Variants in SLIT2 observed in about 807,000 individuals in gnomAD.
The protein encoded by SLIT2 is slit homolog 2 protein.
SLIT2 carries 41 observed loss-of-function variants against 185.7 expected under a neutral mutation model. The ratio of observed to expected loss-of-function variants is 0.22; its 90% CI spans 0.17 to 0.29. The LOEUF (loss-of-function observed/expected upper bound fraction) is 0.29. Ranked by LOEUF, SLIT2 falls within the 10% of genes least tolerant of loss-of-function variation. The probability of loss-of-function intolerance (pLI) is 1.00; values close to 1 mark genes in which losing one functional copy is unlikely to be tolerated. For missense variants in SLIT2, 1,571 were observed against 1,909.0 expected, an observed-to-expected ratio of 0.82 and a Z score of 3.30; for synonymous variants, 693 against 680.2, an observed-to-expected ratio of 1.02 and a Z score of -0.29.
intron 11 of SLIT2, among the ~76,000 whole-genome samples, chr4:20,516,310 A>G (rs1197298931): frequency 6.6e-6 from 1 of 152,164 alleles, no homozygotes; most frequent in African/African-American, 2.4e-5. Flanking sequence ...AACAACAAAA[A>G]AATCTCTATC....
At chr4:20,256,960 A>G (rs1441346576) in intron 2 of SLIT2, among the ~76,000 whole-genome samples, 1 of 152,150 alleles carries the variant, frequency 6.6e-6, no homozygotes, top group Non-Finnish European at 1.5e-5. Context: ...CCAATAATCC[A>G]GAAATGACCT....
At chr4:20,514,629 A>G (rs531848142) in intron 11 of SLIT2, among the ~76,000 whole-genome samples, 1 of 152,146 alleles carries the variant, frequency 6.6e-6, no homozygotes, top group Admixed American at 6.5e-5. Flanking sequence ...TGGGCAACCA[A>G]GTGAGTCTCT....
intron 4 of SLIT2, among the ~76,000 whole-genome samples, chr4:20,460,464 G>C (rs888131797): frequency 3.3e-5 from 5 of 152,090 alleles, no homozygotes; most frequent in African/African-American, 1.2e-4. Flanking sequence ...TCCTCACATA[G>C]TCATCATTTC....
intron 8 of SLIT2, among the ~76,000 whole-genome samples, chr4:20,489,251 G>A (rs1020306495): frequency 3.3e-5 from 5 of 152,018 alleles, no homozygotes; most frequent in African/African-American, 1.2e-4. Context: ...GCTAAATGAT[G>A]ATTCTACTTT....
At chr4:20,420,236 A>G (rs1351940990) in intron 4 of SLIT2, among the ~76,000 whole-genome samples, 4 of 152,114 alleles carry the variant, frequency 2.6e-5, no homozygotes. Flanking sequence ...ACATACTACA[A>G]CTGTGAGTAC....
chr4:20,258,013 G>A (rs1329262888), intron 3 of SLIT2, 74 bp downstream of exon 3: 5 of 756,650 alleles, frequency 6.6e-6, no homozygotes, highest in Non-Finnish European at 9.1e-6. Context: ...CAAGCATCAT[G>A]TCTTCAATTT....
chr4:20,398,236 G>T (rs1171740346), intron 4 of SLIT2, among the ~76,000 whole-genome samples: 5 of 151,796 alleles, frequency 3.3e-5, no homozygotes, highest in Admixed American at 3.3e-4. Context: ...AACAGAAGAT[G>T]GAGATGTTTC....
At chr4:20,380,383 A>G (rs983677314) in intron 4 of SLIT2, among the ~76,000 whole-genome samples, 3 of 152,212 alleles carry the variant, frequency 2.0e-5, no homozygotes, top group Admixed American at 6.6e-5. Context: ...AGTATCTTAC[A>G]TGCAATAAAA....
intron 4 of SLIT2, among the ~76,000 whole-genome samples, chr4:20,339,483 T>C (rs1335412695): frequency 6.6e-6 from 1 of 152,170 alleles, no homozygotes; most frequent in Non-Finnish European, 1.5e-5. Context: ...TTGGGCTGTT[T>C]GGAGGAATCT....
chr4:20,523,725 C>T (rs1254288330), intron 12 of SLIT2, 35 bp from the exon 13 acceptor site: 2 of 1,599,808 alleles, frequency 1.3e-6, no homozygotes, highest in Admixed American at 1.7e-5. Flanking sequence ...TAATAAGATG[C>T]TACACTTTAA....
intron 4 of SLIT2, among the ~76,000 whole-genome samples, chr4:20,380,712 TA>T (rs1043453911): frequency 3.3e-5 from 5 of 150,716 alleles, no homozygotes; most frequent in East Asian, 2.0e-4. Context: ...CACTAGAAAA[TA>T]AAAAAATGAA....
rs559955589 is a variant in SLIT2, at chr4:20,274,741, T to C, written c.395+5860T>C. Among the ~76,000 whole-genome samples, 27 of 132,022 alleles carry C rather than the reference T, an allele frequency of 2.0e-4. No individual in the cohort carries two copies. In the East Asian group the frequency reaches 5.7e-3, roughly 28 times the overall value. The allele number at this position is 132,022 out of a possible 152,430, so 86.6% of individuals were successfully genotyped here. ...ATGCAAGAATGCAAGAAAGTTTCTG[T>C]GTTTTTTTTTTTTTCACTCAGCTGT... is the stretch of plus-strand genomic sequence containing the variant. On this transcript the variant is annotated intron_variant, in intron 4 of 36. Coordinates refer to ENST00000504154, the MANE Select transcript of SLIT2 (RefSeq NM_004787.4).
At chr4:20,518,251 A>AT (rs1560494539) in intron 11 of SLIT2, among the ~76,000 whole-genome samples, 1 of 101,878 alleles carries the variant, frequency 9.8e-6, no homozygotes, top group Non-Finnish European at 2.0e-5. Flanking sequence ...ATATATATAT[A>AT]TATATTTTTT....
intron 7 of SLIT2, 147 bp downstream of exon 7, chr4:20,486,418 G>T (rs1717244179): frequency 1.8e-6 from 1 of 569,986 alleles, no homozygotes; most frequent in East Asian, 2.9e-5. Flanking sequence ...TATGATATTT[G>T]TGGGAATGAG....
At chr4:20,492,458 T>C (rs868573345) in intron 9 of SLIT2, among the ~76,000 whole-genome samples, 1 of 152,238 alleles carries the variant, frequency 6.6e-6, no homozygotes, top group Non-Finnish European at 1.5e-5. Flanking sequence ...TAAATTCTTA[T>C]GACAAACTAT....
At chr4:20,436,620 C>G (rs1356870323) in intron 4 of SLIT2, among the ~76,000 whole-genome samples, 2 of 152,182 alleles carry the variant, frequency 1.3e-5, no homozygotes, top group Non-Finnish European at 2.9e-5. Context: ...GGTCTACAAA[C>G]TGTAACCTAA....
In SLIT2 at chr4:20,542,642, CTTTCT is replaced by C. The variant is rs765231109; in HGVS notation, c.2276+30_2276+34del. 1.5e-5 allele frequency: 24 copies of C among 1,609,658 alleles called. No homozygotes were observed. The highest frequency in any genetic ancestry group is 5.6e-5 in the South Asian group (5 of 89,982). Reference sequence around the variant, plus strand: ...TCACAGAGTTGTAAGTAGAGCTTGTCTTTCTTTTCTTTTCTTTTTCCTTGATGATA... The same window carrying C: ...TCACAGAGTTGTAAGTAGAGCTTGTCTTTCTTTTCTTTTTCCTTGATGATA... On this transcript the variant is annotated intron_variant, in intron 21 of 36. Transcript: ENST00000504154.
At chr4:20,374,279 T>C (rs1723829684) in intron 4 of SLIT2, among the ~76,000 whole-genome samples, 1 of 152,146 alleles carries the variant, frequency 6.6e-6, no homozygotes, top group African/African-American at 2.4e-5. Flanking sequence ...ATGAAGTGCA[T>C]GGCTTAATAA....
intron 4 of SLIT2, among the ~76,000 whole-genome samples, chr4:20,367,268 AT>A (rs1028632832): frequency 5.9e-5 from 9 of 152,114 alleles, no homozygotes; most frequent in Non-Finnish European, 1.3e-4. Context: ...ATGGTGCTTC[AT>A]TTTTTTAGTG....
Sources: allele counts gnomAD v4.1 joint callset (sites outside exome capture counted in the v4.1 genomes callset), GRCh38; gene constraint gnomAD v4.1.1; transcripts MANE v1.5; gene names NCBI Gene and HGNC (gene_info 2026-07-23, HGNC 2026-07-21).